The following MYL11 variants were observed in gnomAD, a reference collection of about 807,000 sequenced individuals.
MYL11 encodes the protein myosin light chain 11, also known as myosin regulatory light chain 11.
the MYL11 span, chr16:30,377,943 C>G: frequency 3.9e-6 from 6 of 1,541,132 alleles, no homozygotes; most frequent in Non-Finnish European, 5.4e-6. Flanking sequence ...CTGTTCGGCC[C>G]GACCTCCACC....
At chr16:30,373,166 TG>T in the MYL11 span, 2 of 152,236 alleles carry the variant, frequency 1.3e-5, no homozygotes, top group Admixed American at 1.3e-4. Flanking sequence ...AAATCCCTCT[TG>T]GCTCGGCGCG....
chr16:30,376,200 G>A, the MYL11 span: 11 of 1,613,984 alleles, frequency 6.8e-6, no homozygotes, highest in Admixed American at 5.0e-5. Context: ...GAGGACCTTC[G>A]GGACACCTTC....
the MYL11 span, chr16:30,377,705 G>C: frequency 1.3e-6 from 2 of 1,575,146 alleles, no homozygotes; most frequent in South Asian, 2.3e-5. Flanking sequence ...AGGAGGAGGT[G>C]AGTGGGGACC....
the MYL11 span, among the ~76,000 whole-genome samples, chr16:30,375,246 A>G: frequency 6.6e-6 from 1 of 152,160 alleles, no homozygotes; most frequent in Admixed American, 6.5e-5. Flanking sequence ...TGGTTGGATC[A>G]CTTGAAGCCA....
the MYL11 span, chr16:30,377,908 C>T: frequency 6.3e-7 from 1 of 1,597,952 alleles, no homozygotes; most frequent in Non-Finnish European, 8.6e-7. Context: ...TAGGGGCACC[C>T]GCGGGCCTCC....
the MYL11 span, chr16:30,376,238 A>G: frequency 1.2e-6 from 2 of 1,612,228 alleles, no homozygotes; most frequent in Non-Finnish European, 1.7e-6. Context: ...CCCTACCCCC[A>G]GGTGGGAATA....
chr16:30,376,575 C>T, the MYL11 span: 1 of 1,613,448 alleles, frequency 6.2e-7, no homozygotes, highest in Non-Finnish European at 8.5e-7. Flanking sequence ...TTTTCCCAGA[C>T]CCTTCAGGGA....
At chr16:30,374,528 T>A in the MYL11 span, among the ~76,000 whole-genome samples, 1 of 152,172 alleles carries the variant, frequency 6.6e-6, no homozygotes, top group East Asian at 1.9e-4. Context: ...ATGCCTTGGG[T>A]TGCGTCCCCT....
At chr16:30,374,815 T>C in the MYL11 span, 2 of 1,611,922 alleles carry the variant, frequency 1.2e-6, no homozygotes, top group Non-Finnish European at 8.5e-7. Flanking sequence ...TCCTTGCTTC[T>C]TTCCAGCCGG....
chr16:30,371,545 C>T, the MYL11 span, among the ~76,000 whole-genome samples: 1 of 152,168 alleles, frequency 6.6e-6, no homozygotes, highest in African/African-American at 2.4e-5. Context: ...GGAATCCCAA[C>T]CTCCAAGTCC....
chr16:30,371,735 G>A, the MYL11 span, among the ~76,000 whole-genome samples: 1 of 151,872 alleles, frequency 6.6e-6, no homozygotes, highest in Non-Finnish European at 1.5e-5. Flanking sequence ...GGGATCCAAG[G>A]CCCCAGTCCC....
the MYL11 span, chr16:30,375,794 C>A: frequency 6.3e-7 from 1 of 1,596,394 alleles, no homozygotes; most frequent in Non-Finnish European, 8.6e-7. Context: ...GTCCATGGGC[C>A]CCTTTGTTCA....
chr16:30,376,110 G>A, the MYL11 span: 1 of 1,607,116 alleles, frequency 6.2e-7, no homozygotes, highest in Non-Finnish European at 8.5e-7. Context: ...CTGGGCCATG[G>A]GGGACCTAAC....
At chr16:30,371,313 C>A in the MYL11 span, among the ~76,000 whole-genome samples, 1 of 152,132 alleles carries the variant, frequency 6.6e-6, no homozygotes, top group South Asian at 2.1e-4. Flanking sequence ...CCTTTCCGGT[C>A]CCCTATTCTT....
At chr16:30,377,197 T>C in the MYL11 span, among the ~76,000 whole-genome samples, 1 of 148,936 alleles carries the variant, frequency 6.7e-6, no homozygotes, top group Admixed American at 6.7e-5. Flanking sequence ...TGGGCGACAA[T>C]AGCAAAACTC....
chr16:30,377,516 T>G, the MYL11 span: 1 of 824,006 alleles, frequency 1.2e-6, no homozygotes. Context: ...CAAAAGCGAG[T>G]GTCTGGGAGG....
At chr16:30,375,852 G>A in the MYL11 span, 3 of 1,614,006 alleles carry the variant, frequency 1.9e-6, 1 homozygote, top group Non-Finnish European at 2.5e-6. Context: ...GGACAGTAGA[G>A]GGCGGAAGCT....
chr16:30,377,956 G>A, the MYL11 span: 3 of 1,506,630 alleles, frequency 2.0e-6, no homozygotes, highest in African/African-American at 1.4e-5. Flanking sequence ...CCTCCACCCC[G>A]GCTCCCAATA....
At chr16:30,375,369 G>A in the MYL11 span, among the ~76,000 whole-genome samples, 1 of 151,562 alleles carries the variant, frequency 6.6e-6, no homozygotes, top group Non-Finnish European at 1.5e-5. Context: ...GGAGGCTGGG[G>A]CATAAGAATC....
Sources: gnomAD v4.1 joint callset for allele counts (sites outside exome capture counted in the v4.1 genomes callset) on GRCh38, gnomAD v4.1.1 for gene constraint, MANE v1.5 for transcripts, NCBI Gene and HGNC (gene_info 2026-07-23, HGNC 2026-07-21) for gene names.